REST: variants seen among roughly 807,000 people sequenced by gnomAD.
REST encodes RE1 silencing transcription factor.
In REST, 1 loss-of-function variant was observed where a neutral mutation model predicts 30.4. The observed-to-expected ratio is 0.03, with a 90% CI of 0.01 to 0.16. The LOEUF (loss-of-function observed/expected upper bound fraction) is 0.16, where lower values mean the gene tolerates loss of function less well. Among genes scored for constraint, REST ranks in the 10% least tolerant of loss-of-function variants. The pLI is 1.00. For synonymous variants in REST, 504 were observed against 451.1 expected (o/e 1.12, Z -1.49); for missense variants, 1,259 against 1,329.5 (o/e 0.95, Z 0.82).
Position 56,932,388 on chromosome 4 carries a change from GA to G in REST, c.*239del, listed in dbSNP as rs1721007164. On this transcript the variant is annotated 3_prime_UTR_variant, in exon 4 of 4. Coordinates refer to ENST00000309042, the MANE Select transcript of REST (RefSeq NM_005612.5). ...TATCTGTTAGCTTATGTGTTTAATTGAAATTAGAAGGCTAAGATGGTATAAC... is the reference window on the plus strand; with the variant it reads ...TATCTGTTAGCTTATGTGTTTAATTGAATTAGAAGGCTAAGATGGTATAAC... 2.4e-6 allele frequency: 1 copy of G among 418,350 alleles called. No homozygotes were observed. Among genetic ancestry groups the G allele is most frequent in the Admixed American group, 4.1e-5 (1 of 24,660 alleles). The allele number at this position is 418,350 out of a possible 1,614,324, so 25.9% of individuals were successfully genotyped here. A position where few individuals can be genotyped will look rare whatever the true frequency, so the allele number is the denominator to read the frequency against.
intron 3 of REST, among the ~76,000 whole-genome samples, chr4:56,925,200 C>T (rs1029793941): frequency 6.6e-6 from 1 of 150,852 alleles, no homozygotes; most frequent in Non-Finnish European, 1.5e-5. Context: ...TTGCCATTCT[C>T]TCTTGGTTTT....
Position 56,933,939 on chromosome 4 carries a change from G to C in REST, c.*1787G>C, listed in dbSNP as rs974757569. ...AAAGATTAGGAAAAGCATTAATAAC[G>C]TGTGGGTGGAAAGCTTGTTAAAAAT... is the stretch of plus-strand genomic sequence containing the variant. On this transcript the variant is annotated 3_prime_UTR_variant, in exon 4 of 4. Transcript: ENST00000309042. 3 of 152,196 alleles carry C rather than the reference G, an allele frequency of 2.0e-5. No individual in the cohort carries two copies. Among genetic ancestry groups the C allele is most frequent in the African/African-American group, 7.2e-5 (3 of 41,442 alleles). 9.4% of individuals were successfully genotyped at this position (152,196 alleles called of 1,614,324 possible). A position where few individuals can be genotyped will look rare whatever the true frequency, so the allele number is the denominator to read the frequency against.
chr4:56,916,577 C>G (rs191899986), intron 2 of REST, among the ~76,000 whole-genome samples: 213 of 152,234 alleles, frequency 1.4e-3, no homozygotes, highest in African/African-American at 3.8e-3. Context: ...GCAGAGGTTG[C>G]AGTGAGCCAA....
chr4:56,920,073 T>A (rs1320478449), intron 3 of REST: 3 of 373,492 alleles, frequency 8.0e-6, no homozygotes, highest in Admixed American at 8.1e-5. Flanking sequence ...GGAATTTTTG[T>A]GTACACTTTT....
intron 2 of REST, among the ~76,000 whole-genome samples, chr4:56,914,964 GC>G (rs1720117084): frequency 8.6e-6 from 1 of 115,692 alleles, no homozygotes; most frequent in Admixed American, 1.2e-4. Context: ...TACTCTTGTC[GC>G]CCAGGGTGGA....
chr4:56,909,905 TG>T (rs1324678345), intron 1 of REST, among the ~76,000 whole-genome samples: 1 of 152,228 alleles, frequency 6.6e-6, no homozygotes, highest in Non-Finnish European at 1.5e-5. Flanking sequence ...AATTCAGTGT[TG>T]TGGAACTTCA....
At chr4:56,911,662 G>A in intron 2 of REST, 126 bp downstream of exon 2, 2 of 749,466 alleles carry the variant, frequency 2.7e-6, no homozygotes, top group Non-Finnish European at 4.3e-6. Context: ...CTATCTTTGT[G>A]ACCTTGCACA....
intron 2 of REST, among the ~76,000 whole-genome samples, chr4:56,912,186 T>G (rs2109527104): frequency 6.6e-6 from 1 of 152,310 alleles, no homozygotes; most frequent in East Asian, 1.9e-4. Flanking sequence ...AAAAGAAATG[T>G]GAGAAGGTAG....
At chr4:56,927,040 G>T (rs1720744978) in intron 3 of REST, among the ~76,000 whole-genome samples, 1 of 151,756 alleles carries the variant, frequency 6.6e-6, no homozygotes, top group Non-Finnish European at 1.5e-5. Flanking sequence ...GGGTTGCAGT[G>T]AGCCGAGATC....
intron 2 of REST, among the ~76,000 whole-genome samples, chr4:56,915,370 C>G (rs747493562): frequency 1.3e-5 from 2 of 150,670 alleles, no homozygotes; most frequent in Non-Finnish European, 3.0e-5. Flanking sequence ...CTCAGCCTCC[C>G]GAGGAGCTGG....
chr4:56,914,843 C>G (rs1014090089), intron 2 of REST, among the ~76,000 whole-genome samples: 17 of 151,994 alleles, frequency 1.1e-4, no homozygotes, highest in Admixed American at 2.0e-4. Context: ...CCTGAGCCAC[C>G]AAGCCTGGCC....
chr4:56,921,122 C>A (rs1355013476), intron 3 of REST, among the ~76,000 whole-genome samples: 1 of 151,974 alleles, frequency 6.6e-6, no homozygotes, highest in Non-Finnish European at 1.5e-5. Context: ...CTTTGGCCTC[C>A]CAAAGTACTG....
At chr4:56,910,427 A>C (rs1719840494) in intron 1 of REST, among the ~76,000 whole-genome samples, 1 of 152,212 alleles carries the variant, frequency 6.6e-6, no homozygotes. Context: ...GGATAGTAGA[A>C]ATTTTTTTTT....
chr4:56,925,864 C>T (rs1244805697), intron 3 of REST, among the ~76,000 whole-genome samples: 1 of 152,166 alleles, frequency 6.6e-6, no homozygotes, highest in Non-Finnish European at 1.5e-5. Flanking sequence ...TTTCCGTTCA[C>T]CATTCCTTAG....
chr4:56,921,460 G>A, intron 3 of REST, among the ~76,000 whole-genome samples: 1 of 152,032 alleles, frequency 6.6e-6, no homozygotes, highest in Non-Finnish European at 1.5e-5. Context: ...CCAGGCTGGA[G>A]TGCAGTGGCG....
rs1720771060 is a variant in REST at position 56,927,594 on chromosome 4, C to CT, written c.983-2246dup. 3.9e-6 allele frequency: 4 copies of CT among 1,032,900 alleles called. No homozygotes were observed. The South Asian group carries it at 8.2e-5, about 21-fold the overall frequency. The allele number at this position is 1,032,900 out of a possible 1,614,324, so 64.0% of individuals were successfully genotyped here. A position where few individuals can be genotyped will look rare whatever the true frequency, so the allele number is the denominator to read the frequency against. ...ATAAATGTCAATTTCCGTTTTTCTA[C>CT]TATGCATTCCATTGGACCAGTGGGG... is the stretch of plus-strand genomic sequence containing the variant. On this transcript the variant is annotated intron_variant, in intron 3 of 3. Coordinates refer to ENST00000309042, the MANE Select transcript of REST (RefSeq NM_005612.5).
At chr4:56,923,859 C>G (rs1720560841) in intron 3 of REST, among the ~76,000 whole-genome samples, 1 of 151,744 alleles carries the variant, frequency 6.6e-6, no homozygotes, top group South Asian at 2.1e-4. Context: ...GTATCTGGGA[C>G]TACAGGCTCG....
At chr4:56,918,524 T>G (rs930176727) in intron 2 of REST, among the ~76,000 whole-genome samples, 7 of 152,240 alleles carry the variant, frequency 4.6e-5, no homozygotes, top group African/African-American at 1.4e-4. Context: ...ATTGATGACC[T>G]TCTCTTAAAT....
rs1169703293 is a variant in REST at position 56,930,615 on chromosome 4, A to G, written c.1757A>G (p.Asn586Ser). ...AGTACAAAGAAGAAAACTCTGAAAAATAAATCAAGTAAGAAAAGCAGTAAG... is the reference window on the plus strand; with the variant it reads ...AGTACAAAGAAGAAAACTCTGAAAAGTAAATCAAGTAAGAAAAGCAGTAAG... ...KKSTKKKTLK[N>S]KSSKKSSKPP... The change falls in exon 4 of 4, where the codon AAT (asparagine) becomes AGT (serine). Residue 586 changes from asparagine to serine, a missense_variant. Physicochemically the swap from Asn to Ser is conservative, Grantham distance 46. Transcript: ENST00000309042. The G allele has an allele frequency of 6.2e-7, 1 of 1,612,968 alleles. No individual in the cohort carries two copies. Among genetic ancestry groups the G allele is most frequent in the Non-Finnish European group, 8.5e-7 (1 of 1,179,888 alleles).
Sources: allele counts gnomAD v4.1 joint callset (sites outside exome capture counted in the v4.1 genomes callset), GRCh38; gene constraint gnomAD v4.1.1; transcripts MANE v1.5; gene names NCBI Gene and HGNC (gene_info 2026-07-23, HGNC 2026-07-21).